The following DES variants were observed in gnomAD, a reference collection of about 807,000 sequenced individuals.
The protein encoded by DES is desmin, also known as cardiomyopathy, dilated 1F (autosomal dominant).
DES carries 34 observed loss-of-function variants against 55.1 expected under a neutral mutation model. That is an observed-to-expected ratio of 0.62 (90% CI 0.47 to 0.82). DES has a LOEUF of 0.82. Among genes scored for constraint, DES ranks in the 40% least tolerant of loss-of-function variants. The probability of loss-of-function intolerance (pLI) is 0.00; values close to 1 mark genes in which losing one functional copy is unlikely to be tolerated. For missense variants in DES, 596 were observed against 645.9 expected (o/e 0.92, Z 0.84); for synonymous variants, 259 against 270.8 (o/e 0.96, Z 0.43).
At chr2:219,421,245 C>A (rs1351502953) in intron 5 of DES, 95 bp from the exon 6 acceptor site, 1 of 1,356,092 alleles carries the variant, frequency 7.4e-7, no homozygotes, top group African/African-American at 1.4e-5. Context: ...ATGGCCTGGA[C>A]CTGACCATCT....
chr2:219,419,610 G>T lies in DES; in HGVS notation c.579-485G>T, dbSNP rs914001084. 1.7e-4 allele frequency among the ~76,000 whole-genome samples: 26 copies of T among 152,172 alleles called. No homozygotes were observed. The highest frequency in any genetic ancestry group is 3.3e-4 in the Admixed American group (5 of 15,284). ...CAGGCTGGAGAAAAAGGGAGTAGGT[G>T]GGGGTCACAGCTCTCAGAGAGCTTG... On this transcript the variant is annotated intron_variant, in intron 1 of 8. Transcript: ENST00000373960. This position sits in a 1 kb window ranked among gnomAD's most constrained non-coding sequence, Gnocchi z 4.3.
Position 219,425,635 on chromosome 2 carries a change from G to A in DES, c.1289-28G>A, listed in dbSNP as rs764891804. 5 of 1,553,422 alleles carry A rather than the reference G, an allele frequency of 3.2e-6. No individual in the cohort carries two copies. The Admixed American group carries it at 7.8e-5, about 24-fold the overall frequency. On this transcript the variant is annotated intron_variant, in intron 7 of 8. Coordinates refer to ENST00000373960, the MANE Select transcript of DES (RefSeq NM_001927.4). ...TATAGCCCAGCCTGGACTTGGTCAG[G>A]CTGAGTGTGCGATGGACCCTGTTAC...
chr2:219,426,158 C>T lies in DES; in HGVS notation c.*168C>T. ...TCGTGGTCCCCAACAGCGACATAGC[C>T]CATCCCTGCCTGGTCACAGGGCATG... On this transcript the variant is annotated 3_prime_UTR_variant, in exon 9 of 9. Transcript: ENST00000373960. The surrounding 1 kb of genome is among the most constrained non-coding windows in gnomAD (Gnocchi z 4.5). 1.3e-6 allele frequency: 1 copy of T among 790,748 alleles called. No homozygotes were observed. The highest frequency in any genetic ancestry group is 1.5e-5 in the South Asian group (1 of 67,542). The allele number at this position is 790,748 out of a possible 1,614,324, so 49.0% of individuals were successfully genotyped here. A position where few individuals can be genotyped will look rare whatever the true frequency, so the allele number is the denominator to read the frequency against.
chr2:219,420,891 A>G lies in DES; in HGVS notation c.961A>G (p.Met321Val), dbSNP rs1954427673. 6.2e-7 allele frequency: 1 copy of G among 1,613,796 alleles called. No individual in the cohort carries two copies. The highest frequency in any genetic ancestry group is 2.2e-5 in the East Asian group (1 of 44,846). ...CGCCCTGCGCCAGGCCAAGCAGGAG[A>G]TGATGGAATACCGACACCAGATCCA... ...NDALRQAKQE[M>V]MEYRHQIQSY... Residue 321 changes from methionine (M) to valine (V), a missense_variant, in exon 5 of 9, where the codon ATG becomes GTG. Physicochemically the swap from Met to Val is conservative, Grantham distance 21 (BLOSUM62 1). Coordinates refer to ENST00000373960, the MANE Select transcript of DES (RefSeq NM_001927.4). This position sits in a 1 kb window ranked among gnomAD's most constrained non-coding sequence, Gnocchi z 6.0.
In DES at chr2:219,419,228, C is replaced by A. The variant is rs1954390568; in HGVS notation, c.578+188C>A. 6.6e-6 allele frequency among the ~76,000 whole-genome samples: 1 copy of A among 152,196 alleles called. No homozygotes were observed. The highest frequency in any genetic ancestry group is 2.1e-4 in the South Asian group (1 of 4,834). On this transcript the variant is annotated intron_variant, in intron 1 of 8. Transcript: ENST00000373960. The surrounding 1 kb of genome is among the most constrained non-coding windows in gnomAD (Gnocchi z 4.3). ...CGTGACCTCCAGGTCTCTCCCCCTG[C>A]GATCCCATCTTGCACAGGAGTTTTC...
chr2:219,422,195 TGAG>T (rs1018850907), intron 6 of DES, among the ~76,000 whole-genome samples: 1 of 151,604 alleles, frequency 6.6e-6, no homozygotes, highest in East Asian at 1.9e-4. Flanking sequence ...TGGGGAGTGA[TGAG>T]GAGGGAAACG....
At chr2:219,424,656 GTTTA>G (rs1294764332) in intron 7 of DES, among the ~76,000 whole-genome samples, 2 of 152,166 alleles carry the variant, frequency 1.3e-5, no homozygotes, top group African/African-American at 4.8e-5. Flanking sequence ...TCAGTTAGTT[GTTTA>G]TACAGACACC....
Position 219,419,137 on chromosome 2 carries a change from C to A in DES, c.578+97C>A. 6.5e-7 allele frequency: 1 copy of A among 1,529,576 alleles called. No individual in the cohort carries two copies. Among genetic ancestry groups the A allele is most frequent in the Non-Finnish European group, 8.7e-7 (1 of 1,143,776 alleles). The allele number at this position is 1,529,576 out of a possible 1,614,324, so 94.8% of individuals were successfully genotyped here. A position where few individuals can be genotyped will look rare whatever the true frequency, so the allele number is the denominator to read the frequency against. ...CCCGCTGTCAGCACCTGCCTTCTCC[C>A]GGGGCCCGGGACCCTCTCCTGCCCC... On this transcript the variant is annotated intron_variant, in intron 1 of 8. Transcript: ENST00000373960. The surrounding 1 kb of genome is among the most constrained non-coding windows in gnomAD (Gnocchi z 4.3).
At position 219,420,138 on chromosome 2, in the gene DES, T is replaced by C. The variant is rs764389526; in HGVS notation, c.622T>C (p.Leu208=). Residue 208 remains leucine, a synonymous_variant, in exon 2 of 9, where the codon TTG becomes CTG. Transcript: ENST00000373960. The surrounding 1 kb of genome is among the most constrained non-coding windows in gnomAD (Gnocchi z 6.0). The part of the protein sequence containing the change: ...IQLKEEAENN[L]AAFRADVDAA... ...GTTGAAGGAAGAAGCAGAGAACAATTTGGCTGCCTTCCGAGCGGTGAGTGC... is the reference window on the plus strand; with the variant it reads ...GTTGAAGGAAGAAGCAGAGAACAATCTGGCTGCCTTCCGAGCGGTGAGTGC... 1 of 1,614,190 alleles carries C rather than the reference T, an allele frequency of 6.2e-7. No homozygotes were observed. The highest frequency in any genetic ancestry group is 8.5e-7 in the Non-Finnish European group (1 of 1,180,022).
At position 219,426,062 on chromosome 2, in the gene DES, C is replaced by T; in HGVS notation, c.*72C>T. The T allele has an allele frequency of 6.4e-7, 1 of 1,560,536 alleles. No individual in the cohort carries two copies. On this transcript the variant is annotated 3_prime_UTR_variant, in exon 9 of 9. Transcript: ENST00000373960. This position sits in a 1 kb window ranked among gnomAD's most constrained non-coding sequence, Gnocchi z 4.5. ...ACTGCTCCCTGAAGCCAGCCTTCTT[C>T]CATCCCAGGACACCACACCCAGCCT...
In DES at chr2:219,418,411, G is replaced by C. The variant is rs1954355656; in HGVS notation, c.-52G>C. On this transcript the variant is annotated 5_prime_UTR_variant, in exon 1 of 9. Coordinates refer to ENST00000373960, the MANE Select transcript of DES (RefSeq NM_001927.4). ...CGCCGCATCCACTCTCCGGCCGGCC[G>C]CCTGCCCGCCGCCTCCTCCGTGCGC... The C allele has an allele frequency of 7.9e-6, 12 of 1,519,826 alleles. No homozygotes were observed. The African/African-American group carries it at 8.8e-5, about 11-fold the overall frequency. 94.1% of individuals were successfully genotyped at this position (1,519,826 alleles called of 1,614,324 possible).
rs2666105 is a variant in DES, at chr2:219,418,831, C to T, written c.369C>T (p.Ile123=). 6.3e-7 allele frequency: 1 copy of T among 1,582,182 alleles called. No individual in the cohort carries two copies. The highest frequency in any genetic ancestry group is 8.6e-7 in the Non-Finnish European group (1 of 1,163,800). Residue 123 remains isoleucine, a synonymous_variant, in exon 1 of 9, where the codon ATC becomes ATT. Coordinates refer to ENST00000373960, the MANE Select transcript of DES (RefSeq NM_001927.4). ...TCAATGACCGCTTCGCCAACTACATCGAGAAGGTGCGCTTCCTGGAGCAGC... is the reference window on the plus strand; with the variant it reads ...TCAATGACCGCTTCGCCAACTACATTGAGAAGGTGCGCTTCCTGGAGCAGC... ...QELNDRFANY[I]EKVRFLEQQN...
chr2:219,420,537 C>A lies in DES; in HGVS notation c.778C>A (p.Gln260Lys), dbSNP rs1346790382. 6.2e-7 allele frequency: 1 copy of A among 1,613,964 alleles called. No homozygotes were observed. The highest frequency in any genetic ancestry group is 1.1e-5 in the South Asian group (1 of 91,076). Reference sequence around the variant, plus strand: ...GGCTCAGCTTCAGGAACAGCAGGTCCAGGTGGAGATGGACATGTCTAAGCC... The same window carrying A: ...GGCTCAGCTTCAGGAACAGCAGGTCAAGGTGGAGATGGACATGTCTAAGCC... Reference protein sequence around the residue: ...LQAQLQEQQVQVEMDMSKPDL... With the variant: ...LQAQLQEQQVKVEMDMSKPDL... Residue 260 changes from glutamine (Q) to lysine (K), a missense_variant, in exon 4 of 9, where the codon CAG becomes AAG. By Grantham distance (53) the Gln-to-Lys change is moderately conservative. Transcript: ENST00000373960. This position sits in a 1 kb window ranked among gnomAD's most constrained non-coding sequence, Gnocchi z 6.0.
At chr2:219,423,505 T>A (rs1954480348) in intron 6 of DES, among the ~76,000 whole-genome samples, 1 of 147,638 alleles carries the variant, frequency 6.8e-6, no homozygotes, top group African/African-American at 2.5e-5. Context: ...AGTGGTGCAA[T>A]CTCCGCTCAC....
At chr2:219,423,681 C>T (rs919556232) in intron 6 of DES, 96 bp from the exon 7 acceptor site, 30 of 1,217,820 alleles carry the variant, frequency 2.5e-5, no homozygotes, top group South Asian at 4.8e-5. Flanking sequence ...CCTGGTGATC[C>T]GCCCGCCTCG....
At chr2:219,424,369 G>A (rs561732593) in intron 7 of DES, among the ~76,000 whole-genome samples, 2 of 152,178 alleles carry the variant, frequency 1.3e-5, no homozygotes, top group East Asian at 1.9e-4. Flanking sequence ...TTAGTAATAC[G>A]CAGATCGGGT....
chr2:219,422,451 A>C (rs1201467563), intron 6 of DES, among the ~76,000 whole-genome samples: 1 of 139,844 alleles, frequency 7.2e-6, no homozygotes, highest in Non-Finnish European at 1.5e-5. Context: ...GGATAACAGA[A>C]ATGTTCTATA....
chr2:219,424,300 T>TCTTAGCAAAGCCAAAC (rs1261840577), intron 7 of DES, among the ~76,000 whole-genome samples: 1 of 152,124 alleles, frequency 6.6e-6, no homozygotes, highest in Non-Finnish European at 1.5e-5. Context: ...AAATGCCAAA[T>TCTTAGCAAAGCCAAAC]CTTAGCAAAG....
chr2:219,425,099 A>T (rs886581409), intron 7 of DES: 1 of 154,238 alleles, frequency 6.5e-6, no homozygotes, highest in Non-Finnish European at 1.4e-5. Context: ...GGGTTTCACC[A>T]TGTTGGTCAG....
Sources: gnomAD v4.1 joint callset for allele counts (sites outside exome capture counted in the v4.1 genomes callset) on GRCh38, gnomAD v4.1.1 for gene constraint, Gnocchi (gnomAD v3.1) non-coding constraint, MANE v1.5 for transcripts, NCBI Gene and HGNC (gene_info 2026-07-23, HGNC 2026-07-21) for gene names.